Variants in LONRF1 observed in about 807,000 individuals in gnomAD.
The protein encoded by LONRF1 is LON peptidase N-terminal domain and RING finger protein 1.
LONRF1 carries 37 observed loss-of-function variants against 85.8 expected under a neutral mutation model. The ratio of observed to expected loss-of-function variants is 0.43; its 90% CI spans 0.33 to 0.57. The LOEUF is 0.57. Ranked by LOEUF, LONRF1 falls within the 20% of genes least tolerant of loss-of-function variation. The pLI is 0.04. For synonymous variants in LONRF1, 517 were observed against 390.1 expected, an observed-to-expected ratio of 1.33 and a Z score of -3.83; for missense variants, 1,036 against 978.0, an observed-to-expected ratio of 1.06 and a Z score of -0.79.
intron 4 of LONRF1, 27 bp downstream of exon 4, chr8:12,737,968 T>A (rs1332513015): frequency 6.3e-7 from 1 of 1,582,820 alleles, no homozygotes; most frequent in Admixed American, 1.9e-5. Context: ...TACGCTAAAC[T>A]CATGATAACC....
At chr8:12,742,109 CAA>C (rs1430315097) in intron 2 of LONRF1, among the ~76,000 whole-genome samples, 3 of 152,318 alleles carry the variant, frequency 2.0e-5, no homozygotes, top group African/African-American at 7.2e-5. Flanking sequence ...GTGGCAAATC[CAA>C]AAGATTCCTT....
In LONRF1 at chr8:12,725,688, A is replaced by T. The variant is rs368439620; in HGVS notation, c.2163+39T>A. On this transcript the variant is annotated intron_variant, in intron 11 of 11. Transcript: ENST00000398246. ...TAGAAGTGTGCAAATTTGGGTTTAT[A>T]AAAAAGTGACTTTTGGAAGAACAGA... is the stretch of plus-strand genomic sequence containing the variant. 17 of 1,584,934 alleles carry T rather than the reference A, an allele frequency of 1.1e-5. No homozygotes were observed. The African/African-American group carries it at 2.2e-4, about 20-fold the overall frequency.
Position 12,722,566 on chromosome 8 carries a change from A to G in LONRF1, c.*530T>C, listed in dbSNP as rs1302031611. 3 of 152,800 alleles carry G rather than the reference A, an allele frequency of 2.0e-5. No individual in the cohort carries two copies. The highest frequency in any genetic ancestry group is 7.2e-5 in the African/African-American group (3 of 41,456). 9.5% of individuals were successfully genotyped at this position (152,800 alleles called of 1,614,324 possible). A position where few individuals can be genotyped will look rare whatever the true frequency, so the allele number is the denominator to read the frequency against. On this transcript the variant is annotated 3_prime_UTR_variant, in exon 12 of 12. Coordinates refer to ENST00000398246, the MANE Select transcript of LONRF1 (RefSeq NM_152271.5). ...TTTCCAACAAAGAATGATCCTCAAC[A>G]CGATATTTTACATACTTGTGCAAAT...
intron 1 of LONRF1, among the ~76,000 whole-genome samples, chr8:12,751,296 G>GTTTTTTTTTTTTTTTTTTTTTT (rs869038024): frequency 1.4e-4 from 10 of 69,524 alleles, no homozygotes; most frequent in Admixed American, 3.5e-4. Context: ...TTATTTTTAT[G>GTTTTTTTTTTTTTTTTTTTTTT]TTTTTTTTTT....
intron 10 of LONRF1, among the ~76,000 whole-genome samples, chr8:12,726,890 A>G (rs1450927243): frequency 6.6e-6 from 1 of 152,210 alleles, no homozygotes; most frequent in African/African-American, 2.4e-5. Flanking sequence ...TTTAAAGAGC[A>G]TCTGTTTTTT....
rs1799378974 is a variant in LONRF1 at position 12,751,294 on chromosome 8, A to ATGTTTTTTTTTTTTTT, written c.721+3390_721+3405dup. Reference sequence around the variant, plus strand: ...AGTCAAGGATTATATTTTTATTTTTATGTTTTTTTTTTTTTTTTTTTTTTT... The same window carrying ATGTTTTTTTTTTTTTT: ...AGTCAAGGATTATATTTTTATTTTTATGTTTTTTTTTTTTTTTGTTTTTTTTTTTTTTTTTTTTTTT... On this transcript the variant is annotated intron_variant, in intron 1 of 11. Transcript: ENST00000398246. Among the ~76,000 whole-genome samples, 87 of 84,800 alleles carry ATGTTTTTTTTTTTTTT rather than the reference A, an allele frequency of 1.0e-3. 4 individuals carry two copies. The highest frequency in any genetic ancestry group is 1.3e-3 in the Non-Finnish European group (58 of 44,198). The allele number at this position is 84,800 out of a possible 152,430, so 55.6% of individuals were successfully genotyped here. A position where few individuals can be genotyped will look rare whatever the true frequency, so the allele number is the denominator to read the frequency against.
In LONRF1 at chr8:12,729,387, C is replaced by G. The variant is rs1798442326; in HGVS notation, c.1689-55G>C. The G allele has an allele frequency of 1.9e-6, 3 of 1,546,774 alleles. No homozygotes were observed. The East Asian group carries it at 6.8e-5, about 35-fold the overall frequency. On this transcript the variant is annotated intron_variant, in intron 8 of 11. Transcript: ENST00000398246. ...TTCATACAAGAAAAATATTACCGAA[C>G]ACATACAAAAAATGAGTGAGGTTTA...
intron 1 of LONRF1, among the ~76,000 whole-genome samples, chr8:12,745,168 A>G (rs1233626675): frequency 6.6e-6 from 1 of 152,166 alleles, no homozygotes. Flanking sequence ...GGAGGTCCTA[A>G]AAAGTCAGTA....
Position 12,735,296 on chromosome 8 carries a change from C to T in LONRF1, c.1556G>A (p.Ser519Asn). ...HAPYCPLCKE[S>N]LKEYLADRRY... ...TATACAAATATTTACCTCTTTTAAGCTTTCTTTGCAAAGAGGACAATATGG... is the reference window on the plus strand; with the variant it reads ...TATACAAATATTTACCTCTTTTAAGTTTTCTTTGCAAAGAGGACAATATGG... The change falls in exon 7 of 12, where the codon AGC (serine) becomes AAC (asparagine). Residue 519 changes from serine to asparagine, a missense_variant. Coordinates refer to ENST00000398246, the MANE Select transcript of LONRF1 (RefSeq NM_152271.5). 6.3e-7 allele frequency: 1 copy of T among 1,598,368 alleles called. No homozygotes were observed. The highest frequency in any genetic ancestry group is 8.5e-7 in the Non-Finnish European group (1 of 1,169,720).
chr8:12,725,195 G>A (rs1798243353), intron 11 of LONRF1, among the ~76,000 whole-genome samples: 1 of 152,120 alleles, frequency 6.6e-6, no homozygotes, highest in South Asian at 2.1e-4. Context: ...CTAAGTACCT[G>A]CAAGACTAAA....
chr8:12,722,131 TAAAAAC>T lies in LONRF1; in HGVS notation c.*959_*964del, dbSNP rs1805910378. 6.6e-6 allele frequency: 1 copy of T among 152,564 alleles called. No individual in the cohort carries two copies. Among genetic ancestry groups the T allele is most frequent in the Non-Finnish European group, 1.5e-5 (1 of 68,016 alleles). The allele number at this position is 152,564 out of a possible 1,614,324, so 9.5% of individuals were successfully genotyped here. On this transcript the variant is annotated 3_prime_UTR_variant, in exon 12 of 12. Coordinates refer to ENST00000398246, the MANE Select transcript of LONRF1 (RefSeq NM_152271.5). ...CTAACATTTGCACCGAGACCAGAAT[TAAAAAC>T]AAAAACAAACTTTAAAAGCTTAGTT... is the stretch of plus-strand genomic sequence containing the variant.
At chr8:12,741,558 T>C (rs1798935539) in intron 2 of LONRF1, among the ~76,000 whole-genome samples, 1 of 152,154 alleles carries the variant, frequency 6.6e-6, no homozygotes, top group Non-Finnish European at 1.5e-5. Flanking sequence ...GGATCAGAAA[T>C]ACCATGTCCC....
chr8:12,746,097 A>C (rs1196376315), intron 1 of LONRF1, among the ~76,000 whole-genome samples: 1 of 152,106 alleles, frequency 6.6e-6, no homozygotes, highest in Non-Finnish European at 1.5e-5. Flanking sequence ...GTCACCTCCT[A>C]TGATATTCCT....
chr8:12,752,601 T>G (rs902261069), intron 1 of LONRF1, among the ~76,000 whole-genome samples: 1 of 152,158 alleles, frequency 6.6e-6, no homozygotes, highest in African/African-American at 2.4e-5. Flanking sequence ...TCATGTGCAA[T>G]CTATGCAACT....
Position 12,755,141 on chromosome 8 carries a change from C to G in LONRF1, c.280G>C (p.Val94Leu). ...ECLGALVDCL[V>L]FNYRLRHGLG... is the part of the protein sequence containing the mutation. ...CCGTGGCGGAGCCGGTAGTTGAACA[C>G]CAGGCAGTCCACCAGGGCGCCCAGG... Residue 94 changes from valine to leucine, a missense_variant, in exon 1 of 12, where the codon GTG (valine) becomes CTG (leucine). Transcript: ENST00000398246. 1 of 1,447,100 alleles carries G rather than the reference C, an allele frequency of 6.9e-7. No homozygotes were observed. Among genetic ancestry groups the G allele is most frequent in the East Asian group, 3.1e-5 (1 of 32,462 alleles). 89.6% of individuals were successfully genotyped at this position (1,447,100 alleles called of 1,614,324 possible).
intron 1 of LONRF1, among the ~76,000 whole-genome samples, chr8:12,745,274 C>G (rs975482674): frequency 6.9e-6 from 1 of 144,200 alleles, no homozygotes; most frequent in African/African-American, 2.6e-5. Flanking sequence ...GTATGTAATG[C>G]TCTTATTGAA....
At chr8:12,725,704 G>A in intron 11 of LONRF1, 23 bp downstream of exon 11, 1 of 1,590,998 alleles carries the variant, frequency 6.3e-7, no homozygotes, top group Non-Finnish European at 8.6e-7. Flanking sequence ...GTGACTTTTG[G>A]AAGAACAGAA....
At chr8:12,744,797 C>T (rs1475720680) in intron 1 of LONRF1, among the ~76,000 whole-genome samples, 1 of 152,186 alleles carries the variant, frequency 6.6e-6, no homozygotes, top group African/African-American at 2.4e-5. Context: ...CTTCCAATAG[C>T]ATCCTTGAGA....
intron 7 of LONRF1, among the ~76,000 whole-genome samples, chr8:12,733,224 G>A (rs182487157): frequency 3.6e-4 from 55 of 152,198 alleles, no homozygotes; most frequent in Non-Finnish European, 6.0e-4. Context: ...CAAATTAGCT[G>A]TCATAAAAGC....
Sources: gnomAD v4.1 joint callset for allele counts (sites outside exome capture counted in the v4.1 genomes callset) on GRCh38, gnomAD v4.1.1 for gene constraint, MANE v1.5 for transcripts, NCBI Gene and HGNC (gene_info 2026-07-23, HGNC 2026-07-21) for gene names.